The following EIF2AK1 variants were observed in gnomAD, a reference collection of about 807,000 sequenced individuals.
The protein encoded by EIF2AK1 is eukaryotic translation initiation factor 2-alpha kinase 1.
EIF2AK1 carries 54 observed loss-of-function variants against 77.9 expected under a neutral mutation model. That is an observed-to-expected ratio of 0.69 (90% CI 0.56 to 0.87). EIF2AK1 has a LOEUF of 0.87. Ranked by LOEUF, EIF2AK1 falls within the 40% of genes least tolerant of loss-of-function variation. The pLI is 0.00. For synonymous variants in EIF2AK1, 314 were observed against 290.5 expected (o/e 1.08, Z -0.82); for missense variants, 810 against 768.6 (o/e 1.05, Z -0.64).
At position 6,042,232 on chromosome 7, in the gene EIF2AK1, C is replaced by T. The variant is rs1290606145; in HGVS notation, c.791+701G>A. 2.6e-5 allele frequency among the ~76,000 whole-genome samples: 4 copies of T among 151,840 alleles called. No homozygotes were observed. The East Asian group carries it at 5.8e-4, about 22-fold the overall frequency. On this transcript the variant is annotated intron_variant, in intron 8 of 14. Coordinates refer to ENST00000199389, the MANE Select transcript of EIF2AK1 (RefSeq NM_014413.4). ...TTGGGAGGCCAAGGCAGGCAGATCA[C>T]CTGAGTTCAGGAGTTTGAGACCAGC...
chr7:6,053,667 CTTTT>C (rs34358095), intron 2 of EIF2AK1, among the ~76,000 whole-genome samples: 1 of 117,500 alleles, frequency 8.5e-6, no homozygotes. Context: ...CCAGCCCATT[CTTTT>C]TTTTTTTTTT....
chr7:6,059,034 CCGT>C lies in EIF2AK1; in HGVS notation c.47_49del (p.Asp16del), dbSNP rs1788878213. 1 of 1,518,488 alleles carries C rather than the reference CCGT, an allele frequency of 6.6e-7. No individual in the cohort carries two copies. The highest frequency in any genetic ancestry group is 8.8e-7 in the Non-Finnish European group (1 of 1,138,570). The allele number at this position is 1,518,488 out of a possible 1,614,324, so 94.1% of individuals were successfully genotyped here. On this transcript the variant is annotated inframe_deletion, in exon 1 of 15. Transcript: ENST00000199389. ...CGGCGGCGCAGCCACAGCCCCAGCCCCGTCGCCCTCCTCTTCGCGCTTGCGGAC... is the reference window on the plus strand; with the variant it reads ...CGGCGGCGCAGCCACAGCCCCAGCCCCGCCCTCCTCTTCGCGCTTGCGGAC...
In EIF2AK1 at chr7:6,023,245, C is replaced by A; in HGVS notation, c.*1428G>T. 1 of 1,520,430 alleles carries A rather than the reference C, an allele frequency of 6.6e-7. No individual in the cohort carries two copies. Among genetic ancestry groups the A allele is most frequent in the Non-Finnish European group, 8.7e-7 (1 of 1,143,324 alleles). The allele number at this position is 1,520,430 out of a possible 1,614,324, so 94.2% of individuals were successfully genotyped here. On this transcript the variant is annotated 3_prime_UTR_variant, in exon 15 of 15. Transcript: ENST00000199389. Reference sequence around the variant, plus strand: ...GGTGACTGTCCCCTTCCCCACTGTGCGAGTACTTCCCTCAGGGCTGCTCTG... The same window carrying A: ...GGTGACTGTCCCCTTCCCCACTGTGAGAGTACTTCCCTCAGGGCTGCTCTG...
In EIF2AK1 at chr7:6,035,857, T is replaced by C. The variant is rs1289696714; in HGVS notation, c.1332+1567A>G. 8 of 1,547,826 alleles carry C rather than the reference T, an allele frequency of 5.2e-6. No individual in the cohort carries two copies. Among genetic ancestry groups the C allele is most frequent in the South Asian group, 4.8e-5 (4 of 83,742 alleles). ...GGGAACACGCCCCTGAAGCTTGCAG[T>C]GTGCACTGCATCAAGCAAAGCAGGC... is the stretch of plus-strand genomic sequence containing the variant. On this transcript the variant is annotated intron_variant, in intron 11 of 14. Coordinates refer to ENST00000199389, the MANE Select transcript of EIF2AK1 (RefSeq NM_014413.4). This position sits in a 1 kb window ranked among gnomAD's most constrained non-coding sequence, Gnocchi z 5.5.
intron 7 of EIF2AK1, 152 bp from the exon 8 acceptor site, chr7:6,043,145 T>C (rs1368830635): frequency 1.5e-5 from 11 of 749,184 alleles, no homozygotes; most frequent in Non-Finnish European, 2.4e-5. Flanking sequence ...TTTATTCAAA[T>C]GGCACGTGTT....
In EIF2AK1 at chr7:6,033,406, T is replaced by C. The variant is rs1226375607; in HGVS notation, c.1332+4018A>G. Among the ~76,000 whole-genome samples, 1 of 152,214 alleles carries C rather than the reference T, an allele frequency of 6.6e-6. No homozygotes were observed. Among genetic ancestry groups the C allele is most frequent in the East Asian group, 1.9e-4 (1 of 5,202 alleles). On this transcript the variant is annotated intron_variant, in intron 11 of 14. Coordinates refer to ENST00000199389, the MANE Select transcript of EIF2AK1 (RefSeq NM_014413.4). This position sits in a 1 kb window ranked among gnomAD's most constrained non-coding sequence, Gnocchi z 4.4. Reference sequence around the variant, plus strand: ...TCTTTACTGAGTAGATGAGATACTCTGAAAAACTGAGAAAAATGCAACATC... The same window carrying C: ...TCTTTACTGAGTAGATGAGATACTCCGAAAAACTGAGAAAAATGCAACATC...
rs148186626 is a variant in EIF2AK1 at position 6,041,197 on chromosome 7, C to T, written c.814G>A (p.Asp272Asn). The change falls in exon 9 of 15, where the codon GAT becomes AAT. Residue 272 changes from aspartate (D) to asparagine (N), a missense_variant. Physicochemically the swap from Asp to Asn is conservative, Grantham distance 23 (BLOSUM62 1). This residue lies in a region of EIF2AK1 where 549 missense variants were observed against 533.7 expected (regional missense o/e 1.03). Transcript: ENST00000199389. The part of the protein sequence containing the change: ...EDREQCGVKN[D>N]ESSSSSIIFA... ...ATAATGGATGAGCTGCTACTTTCAT[C>T]ATTTTTAACACCACATTGCTCTCTG... 1.3e-4 allele frequency: 216 copies of T among 1,607,664 alleles called. No individual in the cohort carries two copies. Among genetic ancestry groups the T allele is most frequent in the Non-Finnish European group, 1.8e-4 (209 of 1,178,710 alleles).
chr7:6,033,468 T>C lies in EIF2AK1; in HGVS notation c.1332+3956A>G, dbSNP rs1193660707. ...GCCAAATTAATGCACATTCTGAGGA[T>C]TAAGAGCTCAATGGTGGTGTTGTGA... is the stretch of plus-strand genomic sequence containing the variant. On this transcript the variant is annotated intron_variant, in intron 11 of 14. Transcript: ENST00000199389. This position sits in a 1 kb window ranked among gnomAD's most constrained non-coding sequence, Gnocchi z 4.4. Among the ~76,000 whole-genome samples, 1 of 152,200 alleles carries C rather than the reference T, an allele frequency of 6.6e-6. No homozygotes were observed. Among genetic ancestry groups the C allele is most frequent in the Non-Finnish European group, 1.5e-5 (1 of 68,024 alleles).
In EIF2AK1 at chr7:6,035,509, G is replaced by T; in HGVS notation, c.1332+1915C>A. The T allele has an allele frequency of 6.4e-7, 1 of 1,551,114 alleles. No individual in the cohort carries two copies. The highest frequency in any genetic ancestry group is 8.7e-7 in the Non-Finnish European group (1 of 1,147,114). ...CACTGGCCAGTCACTTCCACCACGTGGGCAAAACCAGGCAACAGAACGCAC... is the reference window on the plus strand; with the variant it reads ...CACTGGCCAGTCACTTCCACCACGTTGGCAAAACCAGGCAACAGAACGCAC... On this transcript the variant is annotated intron_variant, in intron 11 of 14. Coordinates refer to ENST00000199389, the MANE Select transcript of EIF2AK1 (RefSeq NM_014413.4). This position sits in a 1 kb window ranked among gnomAD's most constrained non-coding sequence, Gnocchi z 5.5.
intron 3 of EIF2AK1, among the ~76,000 whole-genome samples, chr7:6,049,092 C>G (rs1788524933): frequency 6.6e-6 from 1 of 152,144 alleles, no homozygotes; most frequent in Non-Finnish European, 1.5e-5. Flanking sequence ...TCCTGCCTGC[C>G]CACCTCTCTC....
chr7:6,039,729 C>T (rs539271733), intron 9 of EIF2AK1, among the ~76,000 whole-genome samples: 1 of 150,480 alleles, frequency 6.6e-6, no homozygotes, highest in South Asian at 2.1e-4. Context: ...GAGGTCAGGA[C>T]TTTGATACCA....
chr7:6,026,396 G>A (rs1235590173), intron 14 of EIF2AK1: 3 of 519,200 alleles, frequency 5.8e-6, no homozygotes, highest in Non-Finnish European at 1.1e-5. Flanking sequence ...GCCTTTCCGG[G>A]AAGGAGTCTC....
intron 9 of EIF2AK1, among the ~76,000 whole-genome samples, chr7:6,039,518 G>A (rs940411814): frequency 2.0e-5 from 3 of 151,804 alleles, no homozygotes; most frequent in Admixed American, 2.0e-4. Context: ...CTACTCAGGA[G>A]GCTGAGGCAG....
chr7:6,038,492 T>G, intron 10 of EIF2AK1, 68 bp downstream of exon 10: 1 of 1,160,640 alleles, frequency 8.6e-7, no homozygotes, highest in Non-Finnish European at 1.2e-6. Context: ...TGGAGGCAAC[T>G]CCTACATGAG....
intron 13 of EIF2AK1, 34 bp from the exon 14 acceptor site, chr7:6,026,995 A>G: frequency 6.5e-7 from 1 of 1,548,386 alleles, no homozygotes. Flanking sequence ...CTCAGTAGTG[A>G]AATACAAAGT....
chr7:6,027,098 G>C lies in EIF2AK1; in HGVS notation c.1531-137C>G, dbSNP rs1787769250. 1.4e-6 allele frequency: 1 copy of C among 708,598 alleles called. No homozygotes were observed. The highest frequency in any genetic ancestry group is 2.4e-6 in the Non-Finnish European group (1 of 423,566). The allele number at this position is 708,598 out of a possible 1,614,324, so 43.9% of individuals were successfully genotyped here. A position where few individuals can be genotyped will look rare whatever the true frequency, so the allele number is the denominator to read the frequency against. On this transcript the variant is annotated intron_variant, in intron 13 of 14. Coordinates refer to ENST00000199389, the MANE Select transcript of EIF2AK1 (RefSeq NM_014413.4). The surrounding 1 kb of genome is among the most constrained non-coding windows in gnomAD (Gnocchi z 4.5). The stretch of plus-strand genomic sequence containing the variant: ...ACGGTCACCCACAAGGAAGGGAACA[G>C]AGCAGGATAGCTCATCAGTGACAGG...
At chr7:6,048,499 C>A (rs146431801) in intron 4 of EIF2AK1, among the ~76,000 whole-genome samples, 2 of 152,242 alleles carry the variant, frequency 1.3e-5, no homozygotes, top group East Asian at 3.9e-4. Flanking sequence ...TAGGTCAGAC[C>A]AGTTAGATTT....
intron 1 of EIF2AK1, among the ~76,000 whole-genome samples, chr7:6,055,103 G>A (rs946443032): frequency 6.6e-6 from 1 of 152,078 alleles, no homozygotes; most frequent in Non-Finnish European, 1.5e-5. Context: ...AGCACTTTGG[G>A]AGGCTGAGGC....
rs564832184 is a variant in EIF2AK1 at position 6,024,117 on chromosome 7, G to C, written c.*556C>G. ...TGTGGTTTTGGAATGACGCTAAACTGAAGGTGGAGAGAACAGATAAAAAGG... is the reference window on the plus strand; with the variant it reads ...TGTGGTTTTGGAATGACGCTAAACTCAAGGTGGAGAGAACAGATAAAAAGG... On this transcript the variant is annotated 3_prime_UTR_variant, in exon 15 of 15. Coordinates refer to ENST00000199389, the MANE Select transcript of EIF2AK1 (RefSeq NM_014413.4). 1 of 1,296,414 alleles carries C rather than the reference G, an allele frequency of 7.7e-7. No homozygotes were observed. Among genetic ancestry groups the C allele is most frequent in the East Asian group, 5.5e-5 (1 of 18,238 alleles). The allele number at this position is 1,296,414 out of a possible 1,614,324, so 80.3% of individuals were successfully genotyped here.
Sources: gnomAD v4.1 joint callset for allele counts (sites outside exome capture counted in the v4.1 genomes callset) on GRCh38, gnomAD v4.1.1 for gene constraint, gnomAD v4.1.1 regional missense constraint, Gnocchi (gnomAD v3.1) non-coding constraint, MANE v1.5 for transcripts, NCBI Gene and HGNC (gene_info 2026-07-23, HGNC 2026-07-21) for gene names.